The following EIF4G3 variants were observed in gnomAD, a reference collection of about 807,000 sequenced individuals.
EIF4G3 encodes the protein eukaryotic translation initiation factor 4 gamma 3.
Under a neutral mutation model 186.4 loss-of-function variants are expected in EIF4G3, and 34 were observed. The ratio of observed to expected loss-of-function variants is 0.18; its 90% CI spans 0.14 to 0.24. The LOEUF (loss-of-function observed/expected upper bound fraction) is 0.24, where lower values mean the gene tolerates loss of function less well. Among genes scored for constraint, EIF4G3 ranks in the 10% least tolerant of loss-of-function variants. The pLI, the probability that EIF4G3 is intolerant of heterozygous loss-of-function variation, is 1.00. For missense variants in EIF4G3, 1,536 were observed against 1,948.5 expected, an observed-to-expected ratio of 0.79 and a Z score of 3.99; for synonymous variants, 673 against 679.5, an observed-to-expected ratio of 0.99 and a Z score of 0.15.
At chr1:21,137,808 C>A (rs1478006549) in intron 2 of EIF4G3, among the ~76,000 whole-genome samples, 1 of 140,556 alleles carries the variant, frequency 7.1e-6, no homozygotes, top group African/African-American at 2.6e-5. Flanking sequence ...AACAGAAGAC[C>A]CTGTCTCAAA....
chr1:20,843,141 T>C (rs540304356), intron 29 of EIF4G3, among the ~76,000 whole-genome samples: 1 of 151,240 alleles, frequency 6.6e-6, no homozygotes, highest in African/African-American at 2.4e-5. Flanking sequence ...ACCTGGCCCC[T>C]TGTGGGTTTT....
At chr1:20,947,392 C>A (rs1292311456) in intron 13 of EIF4G3, among the ~76,000 whole-genome samples, 2 of 150,998 alleles carry the variant, frequency 1.3e-5, no homozygotes, top group African/African-American at 2.4e-5. Context: ...AGAAAAAAAA[C>A]CATTTTCTCT....
intron 2 of EIF4G3, among the ~76,000 whole-genome samples, chr1:21,125,761 TA>T (rs1353376947): frequency 0.011 from 1,206 of 114,726 alleles, 16 homozygotes; most frequent in South Asian, 0.029. Context: ...ATAATTTTTT[TA>T]TATATATATA....
chr1:21,094,066 C>T (rs906140064), intron 2 of EIF4G3, among the ~76,000 whole-genome samples: 3 of 151,514 alleles, frequency 2.0e-5, no homozygotes, highest in African/African-American at 4.9e-5. Flanking sequence ...CAAACCTGCA[C>T]GTTGTGCACA....
chr1:20,914,303 G>T (rs886625897), intron 14 of EIF4G3, among the ~76,000 whole-genome samples: 2 of 152,018 alleles, frequency 1.3e-5, no homozygotes, highest in African/African-American at 4.8e-5. Flanking sequence ...TTGTGATGAG[G>T]AGACTATTAT....
chr1:20,884,275 C>T (rs1036097023), intron 19 of EIF4G3, among the ~76,000 whole-genome samples: 1 of 152,088 alleles, frequency 6.6e-6, no homozygotes, highest in Non-Finnish European at 1.5e-5. Context: ...AAGACAATAA[C>T]GGAGAGGACT....
At chr1:20,862,390 A>C in intron 22 of EIF4G3, 58 bp from the exon 23 acceptor site, 1 of 1,042,710 alleles carries the variant, frequency 9.6e-7, no homozygotes, top group Admixed American at 2.3e-5. Flanking sequence ...TAATTTTACC[A>C]ATTTACAGTT....
intron 4 of EIF4G3, among the ~76,000 whole-genome samples, chr1:21,014,589 T>C (rs1213180274): frequency 1.3e-5 from 2 of 151,764 alleles, no homozygotes; most frequent in African/African-American, 4.8e-5. Context: ...TTTCAGTTCC[T>C]GTGTTAGTTC....
At chr1:21,154,133 A>C (rs776567740) in intron 2 of EIF4G3, among the ~76,000 whole-genome samples, 8 of 152,196 alleles carry the variant, frequency 5.3e-5, no homozygotes, top group Admixed American at 1.3e-4. Context: ...GAATTTGCTC[A>C]TTTCTAAAGA....
At chr1:21,159,028 T>C (rs2097712246) in intron 2 of EIF4G3, among the ~76,000 whole-genome samples, 1 of 152,134 alleles carries the variant, frequency 6.6e-6, no homozygotes, top group Non-Finnish European at 1.5e-5. Flanking sequence ...TCTACACATT[T>C]CCTTCTTTTA....
chr1:20,944,473 C>T (rs2095857152), intron 13 of EIF4G3, among the ~76,000 whole-genome samples: 1 of 149,460 alleles, frequency 6.7e-6, no homozygotes, highest in Admixed American at 6.7e-5. Flanking sequence ...TGTGATCATG[C>T]CACTGCACTC....
chr1:21,176,291 C>A lies in EIF4G3; in HGVS notation c.-388G>T. ...CTGCTGCCGCCGCCGGGTGAGGAGG[C>A]GGTACCGCTGCTGCCGCCGCCGCCG... On this transcript the variant is annotated 5_prime_UTR_variant, in exon 2 of 37. Coordinates refer to ENST00000602326, the MANE Select transcript of EIF4G3 (RefSeq NM_001391906.1). 1 of 319,158 alleles carries A rather than the reference C, an allele frequency of 3.1e-6. No homozygotes were observed. 19.8% of individuals were successfully genotyped at this position (319,158 alleles called of 1,614,324 possible).
chr1:20,990,113 G>A (rs1220102656), intron 7 of EIF4G3, among the ~76,000 whole-genome samples: 1 of 152,144 alleles, frequency 6.6e-6, no homozygotes, highest in Non-Finnish European at 1.5e-5. Context: ...GGTGGAGATT[G>A]CAGTGAGCAG....
Position 21,002,704 on chromosome 1 carries a change from C to G in EIF4G3, c.30+9G>C. The G allele has an allele frequency of 6.2e-7, 1 of 1,612,884 alleles. No homozygotes were observed. The highest frequency in any genetic ancestry group is 8.5e-7 in the Non-Finnish European group (1 of 1,179,478). Reference sequence around the variant, plus strand: ...GAATGTAATTTGGTTCAAGCTTCTGCTTACTTACCGGAGAACGGGTTTGAG... The same window carrying G: ...GAATGTAATTTGGTTCAAGCTTCTGGTTACTTACCGGAGAACGGGTTTGAG... On this transcript the variant is annotated intron_variant, in intron 5 of 36. Transcript: ENST00000602326.
chr1:20,952,809 C>A (rs1015618363), intron 12 of EIF4G3, among the ~76,000 whole-genome samples: 2 of 152,176 alleles, frequency 1.3e-5, no homozygotes, highest in Non-Finnish European at 2.9e-5. Context: ...GAGGTCGCGC[C>A]ACTGCACTCC....
At chr1:21,117,163 G>C (rs2096839282) in intron 2 of EIF4G3, among the ~76,000 whole-genome samples, 2 of 152,134 alleles carry the variant, frequency 1.3e-5, no homozygotes, top group Non-Finnish European at 2.9e-5. Flanking sequence ...AAGGAGATAT[G>C]TCAATCTGAA....
chr1:21,052,863 G>A (rs1385418516), intron 3 of EIF4G3, among the ~76,000 whole-genome samples: 2 of 152,272 alleles, frequency 1.3e-5, no homozygotes, highest in Admixed American at 6.5e-5. Flanking sequence ...GATGGCAGAC[G>A]GAGTCTCGTT....
intron 20 of EIF4G3, among the ~76,000 whole-genome samples, chr1:20,870,413 C>G (rs1028118242): frequency 6.6e-6 from 1 of 152,062 alleles, no homozygotes; most frequent in Non-Finnish European, 1.5e-5. Flanking sequence ...CAAAAAGTAA[C>G]AAAACTACAG....
intron 3 of EIF4G3, among the ~76,000 whole-genome samples, chr1:21,075,770 A>G (rs1384931692): frequency 6.6e-6 from 1 of 152,028 alleles, no homozygotes; most frequent in African/African-American, 2.4e-5. Context: ...TCAATTCAGC[A>G]AGAAAATATA....
Sources: gnomAD v4.1 joint callset for allele counts (sites outside exome capture counted in the v4.1 genomes callset) on GRCh38, gnomAD v4.1.1 for gene constraint, MANE v1.5 for transcripts, NCBI Gene and HGNC (gene_info 2026-07-23, HGNC 2026-07-21) for gene names.